Variants in INPP4A observed in about 807,000 individuals in gnomAD.
INPP4A encodes the protein inositol polyphosphate-4-phosphatase, type I, 107kD.
In INPP4A, 33 loss-of-function variants were observed where a neutral mutation model predicts 119.8. The ratio of observed to expected loss-of-function variants is 0.28; its 90% CI spans 0.21 to 0.37. INPP4A has a LOEUF of 0.37. Ranked by LOEUF, INPP4A falls within the 10% of genes least tolerant of loss-of-function variation. INPP4A has a pLI of 1.00. For synonymous variants in INPP4A, 496 were observed against 500.7 expected (o/e 0.99, Z 0.12); for missense variants, 956 against 1,289.9 (o/e 0.74, Z 3.97).
intron 24 of INPP4A, among the ~76,000 whole-genome samples, chr2:98,584,321 G>A (rs1001652577): frequency 6.6e-6 from 1 of 152,248 alleles, no homozygotes; most frequent in Non-Finnish European, 1.5e-5. Flanking sequence ...TCCTGGTAAC[G>A]TGGTTCCAAT....
At chr2:98,461,626 C>T (rs1383025468) in intron 1 of INPP4A, among the ~76,000 whole-genome samples, 1 of 152,260 alleles carries the variant, frequency 6.6e-6, no homozygotes, top group East Asian at 1.9e-4. Flanking sequence ...CTACCCTATC[C>T]TCTAGCCATC....
At chr2:98,585,144 C>T (rs537873869) in intron 24 of INPP4A, among the ~76,000 whole-genome samples, 14 of 152,264 alleles carry the variant, frequency 9.2e-5, no homozygotes, top group Admixed American at 2.0e-4. Flanking sequence ...TCACTATTTA[C>T]GCCTATGGCT....
At chr2:98,471,504 A>C (rs1675999884) in intron 1 of INPP4A, among the ~76,000 whole-genome samples, 1 of 152,154 alleles carries the variant, frequency 6.6e-6, no homozygotes, top group Non-Finnish European at 1.5e-5. Context: ...TGAGAATTTT[A>C]AGCTCTGGTG....
intron 10 of INPP4A, among the ~76,000 whole-genome samples, chr2:98,541,980 C>T (rs1691552735): frequency 6.6e-6 from 1 of 152,234 alleles, no homozygotes; most frequent in Non-Finnish European, 1.5e-5. Context: ...GTGTGGGAGG[C>T]TTCTTGGTGA....
At chr2:98,551,045 T>C (rs1693424929) in intron 13 of INPP4A, among the ~76,000 whole-genome samples, 1 of 151,952 alleles carries the variant, frequency 6.6e-6, no homozygotes, top group Non-Finnish European at 1.5e-5. Context: ...AGCCTCAAAC[T>C]CCTGGGCTCA....
At chr2:98,543,111 G>A (rs760104327) in intron 10 of INPP4A, among the ~76,000 whole-genome samples, 3 of 152,018 alleles carry the variant, frequency 2.0e-5, no homozygotes, top group South Asian at 4.1e-4. Flanking sequence ...TAGTAGAGAC[G>A]GGGTTTCACC....
chr2:98,504,284 G>A (rs1358744282), intron 1 of INPP4A, among the ~76,000 whole-genome samples: 1 of 152,180 alleles, frequency 6.6e-6, no homozygotes. Context: ...GTTTTAATGA[G>A]AATAGGGAAG....
At chr2:98,503,763 G>A (rs1487982890) in intron 1 of INPP4A, among the ~76,000 whole-genome samples, 5 of 152,230 alleles carry the variant, frequency 3.3e-5, no homozygotes, top group Non-Finnish European at 7.3e-5. Flanking sequence ...AACCAGGCTT[G>A]CGTGACAGGA....
At chr2:98,466,906 C>T (rs1452166405) in intron 1 of INPP4A, among the ~76,000 whole-genome samples, 1 of 152,180 alleles carries the variant, frequency 6.6e-6, no homozygotes, top group African/African-American at 2.4e-5. Flanking sequence ...TTTTCTTTTC[C>T]TCTTGGATGT....
chr2:98,525,532 A>T (rs981184878), intron 4 of INPP4A, among the ~76,000 whole-genome samples: 10 of 152,252 alleles, frequency 6.6e-5, no homozygotes, highest in African/African-American at 2.2e-4. Context: ...TTTAAAAAAG[A>T]TACATTGAAT....
chr2:98,496,453 C>T (rs1232513860), intron 1 of INPP4A, among the ~76,000 whole-genome samples: 1 of 152,150 alleles, frequency 6.6e-6, no homozygotes, highest in Non-Finnish European at 1.5e-5. Flanking sequence ...CGCTTCAGGA[C>T]ATTGGTACGG....
At chr2:98,465,798 G>GCC (rs1200725013) in intron 1 of INPP4A, among the ~76,000 whole-genome samples, 1 of 152,146 alleles carries the variant, frequency 6.6e-6, no homozygotes, top group Non-Finnish European at 1.5e-5. Context: ...CTCTGGCTGA[G>GCC]CCCCTGTTCC....
At chr2:98,563,761 G>A in intron 18 of INPP4A, 124 bp downstream of exon 18, 2 of 925,056 alleles carry the variant, frequency 2.2e-6, no homozygotes, top group South Asian at 1.6e-5. Flanking sequence ...TTTCCTCCTG[G>A]TGGTGCTTTA....
intron 1 of INPP4A, among the ~76,000 whole-genome samples, chr2:98,511,877 T>C (rs1230950157): frequency 6.6e-6 from 1 of 152,178 alleles, no homozygotes; most frequent in African/African-American, 2.4e-5. Flanking sequence ...TCCTTTTCAA[T>C]AGCAACCTTT....
intron 1 of INPP4A, among the ~76,000 whole-genome samples, chr2:98,492,576 G>C (rs1163391678): frequency 6.6e-6 from 1 of 152,202 alleles, no homozygotes. Flanking sequence ...TCTCAAAGGG[G>C]TGAGAGAGCG....
At chr2:98,516,640 A>G (rs1031158052) in intron 1 of INPP4A, among the ~76,000 whole-genome samples, 1 of 152,148 alleles carries the variant, frequency 6.6e-6, no homozygotes, top group African/African-American at 2.4e-5. Flanking sequence ...AAGGCAGGCA[A>G]TGGAATGCTT....
At chr2:98,501,984 A>G (rs554949246) in intron 1 of INPP4A, among the ~76,000 whole-genome samples, 71 of 152,292 alleles carry the variant, frequency 4.7e-4, no homozygotes, top group Admixed American at 2.6e-4. Context: ...GTGGGTATCT[A>G]TGACCTCAGT....
intron 13 of INPP4A, among the ~76,000 whole-genome samples, chr2:98,549,464 G>C (rs1693092458): frequency 6.6e-6 from 1 of 152,146 alleles, no homozygotes; most frequent in Admixed American, 6.5e-5. Context: ...TTACCCCTGG[G>C]GGTGGGTACA....
chr2:98,588,311 C>G lies in INPP4A; in HGVS notation c.*703C>G, dbSNP rs2106570824. The stretch of plus-strand genomic sequence containing the variant: ...CAGGGAGTCTGCTGGAGACACAAAG[C>G]CAGCAGTAAGGTCCCTTTAGCCTGT... On this transcript the variant is annotated 3_prime_UTR_variant, in exon 25 of 25. Coordinates refer to ENST00000409851, the MANE Select transcript of INPP4A (RefSeq NM_001134225.2). The G allele has an allele frequency of 4.9e-6, 1 of 202,428 alleles. No homozygotes were observed. Among genetic ancestry groups the G allele is most frequent in the Non-Finnish European group, 1.0e-5 (1 of 98,580 alleles). 12.5% of individuals were successfully genotyped at this position (202,428 alleles called of 1,614,324 possible). A position where few individuals can be genotyped will look rare whatever the true frequency, so the allele number is the denominator to read the frequency against.
Sources: allele counts gnomAD v4.1 joint callset (sites outside exome capture counted in the v4.1 genomes callset), GRCh38; gene constraint gnomAD v4.1.1; transcripts MANE v1.5; gene names NCBI Gene and HGNC (gene_info 2026-07-23, HGNC 2026-07-21).